MAP1LC3B: variants seen among roughly 807,000 people sequenced by gnomAD.
MAP1LC3B encodes microtubule associated protein 1 light chain 3 beta.
In MAP1LC3B, 12 loss-of-function variants were observed where a neutral mutation model predicts 16.7. The observed-to-expected ratio is 0.72, with a 90% CI of 0.46 to 1.16. The LOEUF (loss-of-function observed/expected upper bound fraction) is 1.16. Ranked by LOEUF, MAP1LC3B falls within the 50% of genes most tolerant of loss-of-function variation. The probability of loss-of-function intolerance (pLI) is 0.00; values close to 1 mark genes in which losing one functional copy is unlikely to be tolerated. For synonymous variants in MAP1LC3B, 63 were observed against 56.5 expected (o/e 1.11, Z -0.51); for missense variants, 155 against 159.5 (o/e 0.97, Z 0.15).
chr16:87,402,722 G>A lies in MAP1LC3B; in HGVS notation c.204-201G>A, dbSNP rs548332490. ...CAGACAGTATACTAGTTTAAAATCAGCCTAATATGTAATCTTTCAGTGATT... is the reference window on the plus strand; with the variant it reads ...CAGACAGTATACTAGTTTAAAATCAACCTAATATGTAATCTTTCAGTGATT... On this transcript the variant is annotated intron_variant, in intron 3 of 3. Transcript: ENST00000268607. The A allele has an allele frequency of 4.5e-6, 3 of 667,802 alleles. No homozygotes were observed. In the Admixed American group the frequency reaches 9.0e-5, roughly 20 times the overall value. The allele number at this position is 667,802 out of a possible 1,614,324, so 41.4% of individuals were successfully genotyped here.
chr16:87,397,902 TC>T (rs1907861448), intron 1 of MAP1LC3B, among the ~76,000 whole-genome samples: 1 of 151,436 alleles, frequency 6.6e-6, no homozygotes, highest in African/African-American at 2.5e-5. Context: ...ATGACTTCTC[TC>T]TAACTGTATT....
At chr16:87,398,104 C>T (rs909032958) in intron 1 of MAP1LC3B, among the ~76,000 whole-genome samples, 1 of 151,890 alleles carries the variant, frequency 6.6e-6, no homozygotes, top group African/African-American at 2.4e-5. Context: ...CTCACTGCAA[C>T]CTCCGTGTCC....
intron 1 of MAP1LC3B, chr16:87,392,888 G>GC (rs1011069868): frequency 3.9e-5 from 6 of 152,046 alleles, no homozygotes; most frequent in African/African-American, 1.4e-4. Flanking sequence ...CCCCGGGGCC[G>GC]CGCTGGGCCG....
intron 1 of MAP1LC3B, among the ~76,000 whole-genome samples, chr16:87,397,952 T>TC (rs1380062783): frequency 6.6e-6 from 1 of 152,168 alleles, no homozygotes; most frequent in Non-Finnish European, 1.5e-5. Flanking sequence ...TGTTTTTTTT[T>TC]CCCTGTATTG....
chr16:87,399,671 G>A, intron 2 of MAP1LC3B: 1 of 448,882 alleles, frequency 2.2e-6, no homozygotes, highest in South Asian at 1.6e-5. Context: ...AGACTCAGAG[G>A]CTCATCTGTG....
At chr16:87,392,504 C>A (rs1047294007) in intron 1 of MAP1LC3B, 37 bp downstream of exon 1, 1 of 1,296,854 alleles carries the variant, frequency 7.7e-7, no homozygotes, top group East Asian at 3.2e-5. Context: ...TGCGGCGGGG[C>A]CGGGGTCCGA....
At chr16:87,402,420 T>C (rs1167941397) in intron 3 of MAP1LC3B, 139 bp downstream of exon 3, 2 of 797,610 alleles carry the variant, frequency 2.5e-6, no homozygotes, top group Middle Eastern at 2.9e-4. Flanking sequence ...GATTCAGTTA[T>C]GATTAAAACA....
chr16:87,392,669 G>GCCCT (rs1399817626), intron 1 of MAP1LC3B: 3 of 285,820 alleles, frequency 1.0e-5, no homozygotes, highest in African/African-American at 2.3e-5. Flanking sequence ...GGAGGGCCAG[G>GCCCT]GGCTGGTCTG....
rs1908065087 is a variant in MAP1LC3B, at chr16:87,403,368, A to G, written c.*271A>G. On this transcript the variant is annotated 3_prime_UTR_variant, in exon 4 of 4. Coordinates refer to ENST00000268607, the MANE Select transcript of MAP1LC3B (RefSeq NM_022818.5). The stretch of plus-strand genomic sequence containing the variant: ...TTAAAAATAAAATACTTTGCATTCT[A>G]AGTTGCCAATAAAATAGACCTTCAA... 7.2e-6 allele frequency: 2 copies of G among 277,644 alleles called. No individual in the cohort carries two copies. Among genetic ancestry groups the G allele is most frequent in the Admixed American group, 9.7e-5 (2 of 20,552 alleles). 17.2% of individuals were successfully genotyped at this position (277,644 alleles called of 1,614,324 possible).
At chr16:87,394,560 C>T (rs1907733560) in intron 1 of MAP1LC3B, among the ~76,000 whole-genome samples, 1 of 152,188 alleles carries the variant, frequency 6.6e-6, no homozygotes, top group Non-Finnish European at 1.5e-5. Flanking sequence ...GAAAACAACG[C>T]CTTCCTTTTG....
chr16:87,394,854 G>C (rs1056035194), intron 1 of MAP1LC3B, among the ~76,000 whole-genome samples: 8 of 150,190 alleles, frequency 5.3e-5, no homozygotes, highest in African/African-American at 1.5e-4. Flanking sequence ...AGGATCGCTT[G>C]AGTTTGGGAG....
rs548159008 is a variant in MAP1LC3B at position 87,400,396 on chromosome 16, GTC to G, written c.96+1529_96+1530del. On this transcript the variant is annotated intron_variant, in intron 2 of 3. Coordinates refer to ENST00000268607, the MANE Select transcript of MAP1LC3B (RefSeq NM_022818.5). The stretch of plus-strand genomic sequence containing the variant: ...GGGTTTCACCATGTTAGCCAGGATG[GTC>G]TCAGTCTCCTGACCTCATGATCTGC... 5 of 151,652 alleles carry G rather than the reference GTC, an allele frequency of 3.3e-5. No individual in the cohort carries two copies. In the East Asian group the frequency reaches 9.8e-4, roughly 30 times the overall value. 9.4% of individuals were successfully genotyped at this position (151,652 alleles called of 1,614,324 possible).
chr16:87,403,049 C>T lies in MAP1LC3B; in HGVS notation c.330C>T (p.Tyr110=). 6.2e-7 allele frequency: 1 copy of T among 1,614,158 alleles called. No homozygotes were observed. The highest frequency in any genetic ancestry group is 8.5e-7 in the Non-Finnish European group (1 of 1,180,024). Residue 110 remains tyrosine (Y), a synonymous_variant, in exon 4 of 4, where the codon TAC becomes TAT. Coordinates refer to ENST00000268607, the MANE Select transcript of MAP1LC3B (RefSeq NM_022818.5). The part of the protein sequence containing the change: ...ESEKDEDGFL[Y]MVYASQETFG... ...AGAAAGATGAAGATGGATTCCTGTA[C>T]ATGGTCTATGCCTCCCAGGAGACGT...
chr16:87,399,009 G>T, intron 2 of MAP1LC3B, 139 bp downstream of exon 2: 1 of 709,770 alleles, frequency 1.4e-6, no homozygotes, highest in African/African-American at 1.8e-5. Context: ...CTAGAGAGAG[G>T]TATCCTTTTT....
At chr16:87,392,658 G>A (rs1191266749) in intron 1 of MAP1LC3B, 191 bp downstream of exon 1, 1 of 321,970 alleles carries the variant, frequency 3.1e-6, no homozygotes, top group Non-Finnish European at 4.8e-6. Context: ...GGACCGAGCC[G>A]GGAGGGCCAG....
intron 2 of MAP1LC3B, 86 bp downstream of exon 2, chr16:87,398,956 A>C: frequency 8.5e-7 from 1 of 1,177,484 alleles, no homozygotes; most frequent in Non-Finnish European, 1.3e-6. Context: ...GGGTTTTTAC[A>C]GGAATCACCA....
intron 2 of MAP1LC3B, among the ~76,000 whole-genome samples, chr16:87,401,059 G>T (rs1907975443): frequency 6.6e-6 from 1 of 150,798 alleles, no homozygotes; most frequent in Non-Finnish European, 1.5e-5. Context: ...CTTGAACCCG[G>T]GAGTCGGAGG....
chr16:87,394,279 TA>T (rs11403697), intron 1 of MAP1LC3B, among the ~76,000 whole-genome samples: 110 of 149,750 alleles, frequency 7.3e-4, no homozygotes, highest in African/African-American at 2.5e-3. Flanking sequence ...TTTTGGTAAT[TA>T]AAAAAAAAAA....
In MAP1LC3B at chr16:87,395,946, C is replaced by T. The variant is rs192270152; in HGVS notation, c.41-2869C>T. Reference sequence around the variant, plus strand: ...CATGATCTCAGCTCACTGCAACCTCCGCCTCCTGGGTTCAAGTGATTCTCC... The same window carrying T: ...CATGATCTCAGCTCACTGCAACCTCTGCCTCCTGGGTTCAAGTGATTCTCC... On this transcript the variant is annotated intron_variant, in intron 1 of 3. Transcript: ENST00000268607. Among the ~76,000 whole-genome samples the T allele has an allele frequency of 7.6e-3, 1,135 of 149,388 alleles. 19 individuals carry two copies. The highest frequency in any genetic ancestry group is 0.027 in the African/African-American group (1,085 of 40,598).
Sources: allele counts gnomAD v4.1 joint callset (sites outside exome capture counted in the v4.1 genomes callset), GRCh38; gene constraint gnomAD v4.1.1; transcripts MANE v1.5; gene names NCBI Gene and HGNC (gene_info 2026-07-23, HGNC 2026-07-21).